Variants in CLNK observed in about 807,000 individuals in gnomAD.
CLNK encodes the protein cytokine dependent hematopoietic cell linker.
CLNK carries 74 observed loss-of-function variants against 68.6 expected under a neutral mutation model. The ratio of observed to expected loss-of-function variants is 1.08; its 90% CI spans 0.89 to 1.31. The LOEUF is 1.31. Ranked by LOEUF, CLNK falls within the 50% of genes most tolerant of loss-of-function variation. The pLI, the probability that CLNK is intolerant of heterozygous loss-of-function variation, is 0.00. For missense variants in CLNK, 553 were observed against 515.3 expected (o/e 1.07, Z -0.71); for synonymous variants, 198 against 172.2 (o/e 1.15, Z -1.17).
intron 2 of CLNK, among the ~76,000 whole-genome samples, 194 bp downstream of exon 2, chr4:10,667,665 A>T (rs537611058): frequency 3.9e-5 from 4 of 103,820 alleles, no homozygotes; most frequent in Non-Finnish European, 8.2e-5. Context: ...TGCTCTGTCC[A>T]TGGGAAAATG....
At chr4:10,590,294 C>T (rs749897969) in intron 3 of CLNK, among the ~76,000 whole-genome samples, 7 of 152,208 alleles carry the variant, frequency 4.6e-5, no homozygotes, top group Non-Finnish European at 1.0e-4. Flanking sequence ...CCCTCTTCCA[C>T]TTCTCTCTCC....
rs902283845 is a variant in CLNK, at chr4:10,671,279, G to A, written c.-42-3368C>T. On this transcript the variant is annotated intron_variant, in intron 1 of 18. Coordinates refer to ENST00000226951, the MANE Select transcript of CLNK (RefSeq NM_052964.4). ...TGGGCGCCTATAATCCCAGCTACTA[G>A]GGAGGCTGAGGCAGGAGAATTGCTT... Among the ~76,000 whole-genome samples the A allele has an allele frequency of 3.9e-5, 6 of 152,044 alleles. No homozygotes were observed. In the East Asian group the frequency reaches 9.7e-4, roughly 25 times the overall value.
At chr4:10,518,339 A>T (rs1717922687) in intron 15 of CLNK, among the ~76,000 whole-genome samples, 1 of 152,212 alleles carries the variant, frequency 6.6e-6, no homozygotes, top group Non-Finnish European at 1.5e-5. Flanking sequence ...AGAGAAACAC[A>T]GTTCTAGACC....
chr4:10,695,586 G>C, the CLNK span, among the ~76,000 whole-genome samples: 1 of 152,258 alleles, frequency 6.6e-6, no homozygotes, highest in Admixed American at 6.5e-5. Context: ...GGGCCTCCCA[G>C]ATCTTATGAT....
At chr4:10,677,579 T>G (rs1724923802) in intron 1 of CLNK, among the ~76,000 whole-genome samples, 1 of 152,056 alleles carries the variant, frequency 6.6e-6, no homozygotes, top group Admixed American at 6.6e-5. Context: ...GTTTCCCCCA[T>G]GATGTTCTTG....
intron 4 of CLNK, among the ~76,000 whole-genome samples, chr4:10,581,298 C>T (rs1045982752): frequency 6.6e-6 from 1 of 152,070 alleles, no homozygotes; most frequent in African/African-American, 2.4e-5. Flanking sequence ...GTATGTGACA[C>T]ATGACTGTGT....
intron 5 of CLNK, among the ~76,000 whole-genome samples, chr4:10,567,999 GA>G (rs1720189536): frequency 6.6e-6 from 1 of 152,210 alleles, no homozygotes; most frequent in Non-Finnish European, 1.5e-5. Flanking sequence ...AGCTGCTGCA[GA>G]AAATGCTTTG....
At chr4:10,567,711 C>A (rs1246667075) in intron 5 of CLNK, among the ~76,000 whole-genome samples, 1 of 152,112 alleles carries the variant, frequency 6.6e-6, no homozygotes, top group Non-Finnish European at 1.5e-5. Flanking sequence ...ATGAAAAACT[C>A]TTACAATGCA....
At chr4:10,605,528 T>TA (rs1388579967) in intron 2 of CLNK, among the ~76,000 whole-genome samples, 1 of 151,754 alleles carries the variant, frequency 6.6e-6, no homozygotes, top group Non-Finnish European at 1.5e-5. Context: ...TAAAAAAAGA[T>TA]AAAAAAGGTA....
chr4:10,593,280 G>A (rs903895166), intron 3 of CLNK, among the ~76,000 whole-genome samples: 29 of 152,022 alleles, frequency 1.9e-4, no homozygotes, highest in African/African-American at 5.3e-4. Flanking sequence ...TCAGGAGAGC[G>A]GGCAGCGGTT....
At chr4:10,515,000 G>A (rs945118760) in intron 15 of CLNK, among the ~76,000 whole-genome samples, 1 of 152,220 alleles carries the variant, frequency 6.6e-6, no homozygotes, top group African/African-American at 2.4e-5. Context: ...ACTTCGGGAG[G>A]CCGAGGCGGG....
In CLNK at chr4:10,667,928, A is replaced by C. The variant is rs1424660537; in HGVS notation, c.-42-17T>G. On this transcript the variant is annotated splice_polypyrimidine_tract_variant and intron_variant, in intron 1 of 18. Coordinates refer to ENST00000226951, the MANE Select transcript of CLNK (RefSeq NM_052964.4). ...CAATTCAGCCTGTGGAAACAAAAGC[A>C]AACGCGTTACTGGAACTTCCACATC... The C allele has an allele frequency of 4.1e-6, 6 of 1,446,418 alleles. No individual in the cohort carries two copies. In the East Asian group the frequency reaches 1.4e-4, roughly 34 times the overall value. 89.6% of individuals were successfully genotyped at this position (1,446,418 alleles called of 1,614,324 possible).
At chr4:10,691,826 C>G in the CLNK span, among the ~76,000 whole-genome samples, 4 of 152,248 alleles carry the variant, frequency 2.6e-5, no homozygotes, top group East Asian at 7.7e-4. Flanking sequence ...AAGAAAAAAA[C>G]AGCATGAAAC....
chr4:10,625,635 C>T (rs1722637237), intron 2 of CLNK, among the ~76,000 whole-genome samples: 2 of 151,660 alleles, frequency 1.3e-5, no homozygotes, highest in Admixed American at 6.6e-5. Context: ...GAGGCAGAGA[C>T]AGAGATTAAA....
chr4:10,711,602 T>TA, the CLNK span, among the ~76,000 whole-genome samples: 116,653 of 151,944 alleles, frequency 0.77, 45,044 homozygotes, highest in Admixed American at 0.83. Context: ...CCTAAATTTA[T>TA]AAAAAAACTT....
the CLNK span, among the ~76,000 whole-genome samples, chr4:10,704,968 A>G: frequency 2.0e-5 from 3 of 152,148 alleles, no homozygotes; most frequent in African/African-American, 4.8e-5. Context: ...TTGGCATCTG[A>G]GTGCTGAGAG....
At chr4:10,714,489 G>A in the CLNK span, among the ~76,000 whole-genome samples, 2 of 152,152 alleles carry the variant, frequency 1.3e-5, no homozygotes, top group East Asian at 3.8e-4. Context: ...CCATGGAAAG[G>A]AGAATCATTT....
the CLNK span, among the ~76,000 whole-genome samples, chr4:10,696,868 A>G: frequency 1.3e-4 from 20 of 152,202 alleles, no homozygotes; most frequent in African/African-American, 4.3e-4. Flanking sequence ...CTCTGGATCA[A>G]TCAGGATATT....
At chr4:10,562,424 T>A (rs1719933453) in intron 7 of CLNK, among the ~76,000 whole-genome samples, 1 of 152,028 alleles carries the variant, frequency 6.6e-6, no homozygotes, top group Non-Finnish European at 1.5e-5. Context: ...TTTTTGTTTT[T>A]CAGATGCAGT....
Sources: gnomAD v4.1 joint callset for allele counts (sites outside exome capture counted in the v4.1 genomes callset) on GRCh38, gnomAD v4.1.1 for gene constraint, MANE v1.5 for transcripts, NCBI Gene and HGNC (gene_info 2026-07-23, HGNC 2026-07-21) for gene names.